GRID2: variants seen among roughly 807,000 people sequenced by gnomAD.
The protein encoded by GRID2 is glutamate ionotropic receptor delta type subunit 2.
A neutral mutation model predicts 114.8 loss-of-function variants in GRID2; 33 were observed. The ratio of observed to expected loss-of-function variants is 0.29; its 90% CI spans 0.22 to 0.38. The LOEUF is 0.38. Among genes scored for constraint, GRID2 ranks in the 10% least tolerant of loss-of-function variants. The probability of loss-of-function intolerance (pLI) is 1.00; values close to 1 mark genes in which losing one functional copy is unlikely to be tolerated. For synonymous variants in GRID2, 505 were observed against 449.9 expected (o/e 1.12, Z -1.55); for missense variants, 1,184 against 1,257.7 (o/e 0.94, Z 0.89).
chr4:93,005,637 A>G (rs1305173298), intron 2 of GRID2, among the ~76,000 whole-genome samples: 1 of 152,132 alleles, frequency 6.6e-6, no homozygotes, highest in Non-Finnish European at 1.5e-5. Context: ...TGACCAATAA[A>G]TAAAAAGAAC....
chr4:92,978,311 T>C (rs1753993801), intron 2 of GRID2, among the ~76,000 whole-genome samples: 1 of 150,254 alleles, frequency 6.7e-6, no homozygotes, highest in Non-Finnish European at 1.5e-5. Flanking sequence ...GAAACATTTT[T>C]CCACAGTTTG....
At chr4:93,313,961 A>G (rs1756298439) in intron 8 of GRID2, among the ~76,000 whole-genome samples, 1 of 152,146 alleles carries the variant, frequency 6.6e-6, no homozygotes, top group South Asian at 2.1e-4. Flanking sequence ...TCAAAATATG[A>G]GTCCCACTAG....
chr4:92,381,319 G>A (rs1013364318), intron 1 of GRID2, among the ~76,000 whole-genome samples: 8 of 152,004 alleles, frequency 5.3e-5, no homozygotes, highest in Admixed American at 2.0e-4. Flanking sequence ...ATATCACCTC[G>A]ATCACTCGAT....
rs551085776 is a variant in GRID2, at chr4:93,732,725, G to A, written c.2361-36485G>A. On this transcript the variant is annotated intron_variant, in intron 14 of 15. Transcript: ENST00000282020. ...AATAAATGAAGATTTCTCCCACAGT[G>A]GACCTCTTATAACCATGGCAACTCC... 2.0e-5 allele frequency among the ~76,000 whole-genome samples: 3 copies of A among 152,102 alleles called. No homozygotes were observed. In the East Asian group the frequency reaches 5.8e-4, roughly 29 times the overall value.
At chr4:93,178,576 G>C (rs1428747649) in intron 4 of GRID2, among the ~76,000 whole-genome samples, 3 of 151,112 alleles carry the variant, frequency 2.0e-5, no homozygotes, top group Non-Finnish European at 4.4e-5. Context: ...TCTGCAGAGA[G>C]AGGATCTCTC....
At chr4:92,945,026 G>T (rs1029322053) in intron 2 of GRID2, among the ~76,000 whole-genome samples, 4 of 152,042 alleles carry the variant, frequency 2.6e-5, no homozygotes, top group African/African-American at 9.7e-5. Flanking sequence ...TGATTCTTCA[G>T]TTACATTCAG....
chr4:93,764,674 T>A (rs560141913), intron 14 of GRID2, among the ~76,000 whole-genome samples: 1 of 152,288 alleles, frequency 6.6e-6, no homozygotes, highest in East Asian at 1.9e-4. Context: ...AAAAAGAGAT[T>A]TTAGCCGTTA....
chr4:93,373,902 G>T (rs1763150037), intron 8 of GRID2, among the ~76,000 whole-genome samples: 1 of 152,074 alleles, frequency 6.6e-6, no homozygotes, highest in African/African-American at 2.4e-5. Context: ...GTATTTGCAA[G>T]GAAATACTTG....
Position 92,578,116 on chromosome 4 carries a change from T to C in GRID2, c.89-12015T>C, listed in dbSNP as rs62310095. Among the ~76,000 whole-genome samples the C allele has an allele frequency of 2.8e-3, 341 of 122,964 alleles. 3 individuals are homozygous for C. Among genetic ancestry groups the C allele is most frequent in the Non-Finnish European group, 3.6e-3 (206 of 57,322 alleles). 80.7% of individuals were successfully genotyped at this position (122,964 alleles called of 152,430 possible). ...TCTTCTTCTTCTTCTTCTTCTTCTT[T>C]TTCTTATTATTATTATTACACTTTA... On this transcript the variant is annotated intron_variant, in intron 1 of 15. Transcript: ENST00000282020.
At chr4:92,909,346 G>T (rs1394229198) in intron 2 of GRID2, among the ~76,000 whole-genome samples, 2 of 150,830 alleles carry the variant, frequency 1.3e-5, no homozygotes, top group Non-Finnish European at 3.0e-5. Flanking sequence ...TAATAAAAGA[G>T]CACTTTTTCA....
intron 2 of GRID2, among the ~76,000 whole-genome samples, chr4:92,942,149 G>A (rs1751196943): frequency 6.6e-6 from 1 of 152,118 alleles, no homozygotes; most frequent in South Asian, 2.1e-4. Context: ...TTGTTGATCT[G>A]TCTAATGTTG....
intron 2 of GRID2, among the ~76,000 whole-genome samples, chr4:92,663,686 G>T (rs1316754233): frequency 6.6e-6 from 1 of 150,988 alleles, no homozygotes; most frequent in Non-Finnish European, 1.5e-5. Context: ...TAAGTGTACA[G>T]TTCAGTGGTC....
chr4:92,479,417 C>A (rs1342727604), intron 1 of GRID2, among the ~76,000 whole-genome samples: 1 of 151,954 alleles, frequency 6.6e-6, no homozygotes, highest in African/African-American at 2.4e-5. Flanking sequence ...CTAAATTTTC[C>A]AGAGAAAGTT....
intron 4 of GRID2, among the ~76,000 whole-genome samples, chr4:93,193,413 C>T (rs950042816): frequency 1.3e-5 from 2 of 152,094 alleles, no homozygotes; most frequent in Non-Finnish European, 2.9e-5. Context: ...TGCTGCTGTT[C>T]TCATGATAGT....
intron 8 of GRID2, among the ~76,000 whole-genome samples, chr4:93,254,424 T>C (rs1749337058): frequency 6.6e-6 from 1 of 152,118 alleles, no homozygotes; most frequent in African/African-American, 2.4e-5. Flanking sequence ...TTGATGCTCA[T>C]GAAGAGAAAA....
intron 8 of GRID2, among the ~76,000 whole-genome samples, chr4:93,375,216 T>C (rs1245694154): frequency 2.1e-5 from 3 of 142,778 alleles, no homozygotes; most frequent in African/African-American, 7.6e-5. Flanking sequence ...TTTTTTCCCT[T>C]TTTTTTTTTT....
chr4:93,476,961 T>A (rs915549950), intron 11 of GRID2, among the ~76,000 whole-genome samples: 2 of 152,166 alleles, frequency 1.3e-5, no homozygotes, highest in South Asian at 4.1e-4. Flanking sequence ...TGTGGCAGAC[T>A]GGCTGTCTTA....
intron 3 of GRID2, among the ~76,000 whole-genome samples, chr4:93,094,457 G>A (rs1306851984): frequency 6.6e-6 from 1 of 151,884 alleles, no homozygotes; most frequent in Admixed American, 6.6e-5. Context: ...TGTTTACTAT[G>A]GCACTCAGTC....
intron 8 of GRID2, among the ~76,000 whole-genome samples, chr4:93,370,264 A>G (rs1762736840): frequency 6.6e-6 from 1 of 152,126 alleles, no homozygotes; most frequent in Non-Finnish European, 1.5e-5. Context: ...AGGAAAAGCA[A>G]CCTGGTTTTA....
Sources: gnomAD v4.1 joint callset for allele counts (sites outside exome capture counted in the v4.1 genomes callset) on GRCh38, gnomAD v4.1.1 for gene constraint, MANE v1.5 for transcripts, NCBI Gene and HGNC (gene_info 2026-07-23, HGNC 2026-07-21) for gene names.